SMG1: variants seen among roughly 807,000 people sequenced by gnomAD.
SMG1 encodes the protein SMG1 nonsense mediated mRNA decay associated PI3K related kinase, also known as serine/threonine-protein kinase SMG1.
Under a neutral mutation model 419.9 loss-of-function variants are expected in SMG1, and 22 were observed. The observed-to-expected ratio is 0.05, with a 90% CI of 0.04 to 0.07. The LOEUF (loss-of-function observed/expected upper bound fraction) is 0.07. Among genes scored for constraint, SMG1 ranks in the 10% least tolerant of loss-of-function variants. The pLI is 1.00. For missense variants in SMG1, 3,185 were observed against 4,342.0 expected (o/e 0.73, Z 7.49); for synonymous variants, 1,538 against 1,553.5 (o/e 0.99, Z 0.23).
In SMG1 at chr16:18,838,668, C is replaced by A; in HGVS notation, c.6967G>T (p.Val2323Phe). The A allele has an allele frequency of 6.2e-7, 1 of 1,608,172 alleles. No individual in the cohort carries two copies. Among genetic ancestry groups the A allele is most frequent in the Non-Finnish European group, 8.5e-7 (1 of 1,177,338 alleles). ...VTQSYARSTAVMSMVGYIIGL... is the reference protein window; with the variant it reads ...VTQSYARSTAFMSMVGYIIGL... ...ATTATGTATCCAACCATAGACATGACTGCAGTAGATCTTGCATAAGACTAA... is the reference window on the plus strand; with the variant it reads ...ATTATGTATCCAACCATAGACATGAATGCAGTAGATCTTGCATAAGACTAA... Residue 2323 changes from valine (V) to phenylalanine (F), a missense_variant, in exon 43 of 63, where the codon GTC becomes TTC. By Grantham distance (50) the Val-to-Phe change is conservative. Transcript: ENST00000446231.
intron 51 of SMG1, 108 bp downstream of exon 51, chr16:18,832,832 T>C: frequency 1.1e-6 from 1 of 920,440 alleles, no homozygotes; most frequent in South Asian, 1.5e-5. Flanking sequence ...TAAGTAATTA[T>C]ACCTGCTCTA....
At chr16:18,830,457 A>G (rs1009639067) in intron 51 of SMG1, 88 bp from the exon 52 acceptor site, 7 of 1,397,018 alleles carry the variant, frequency 5.0e-6, no homozygotes, top group Admixed American at 2.0e-5. Context: ...TCACAGCTGC[A>G]TGCTGTGAGA....
chr16:18,919,084 T>C (rs1449828668), intron 1 of SMG1, among the ~76,000 whole-genome samples: 1 of 152,154 alleles, frequency 6.6e-6, no homozygotes, highest in African/African-American at 2.4e-5. Flanking sequence ...CCCAGCACTT[T>C]GGGAGGCCAA....
At chr16:18,843,393 A>C (rs1476597826) in intron 39 of SMG1, among the ~76,000 whole-genome samples, 1 of 152,232 alleles carries the variant, frequency 6.6e-6, no homozygotes, top group East Asian at 1.9e-4. Flanking sequence ...ACTTTCTAAT[A>C]ATCACAGGGA....
At chr16:18,839,424 A>AT (rs2033780994) in intron 42 of SMG1, among the ~76,000 whole-genome samples, 1 of 152,014 alleles carries the variant, frequency 6.6e-6, no homozygotes, top group Admixed American at 6.6e-5. Context: ...GCTCCCACTT[A>AT]TAAGTGAGAA....
Position 18,926,271 on chromosome 16 carries a change from C to G in SMG1, c.-230G>C, listed in dbSNP as rs2038407298. The G allele has an allele frequency of 5.7e-6, 3 of 523,622 alleles. No homozygotes were observed. Among genetic ancestry groups the G allele is most frequent in the Non-Finnish European group, 6.7e-6 (2 of 299,476 alleles). The allele number at this position is 523,622 out of a possible 1,614,324, so 32.4% of individuals were successfully genotyped here. A position where few individuals can be genotyped will look rare whatever the true frequency, so the allele number is the denominator to read the frequency against. The stretch of plus-strand genomic sequence containing the variant: ...GCGCAGGACGAGGAGGCGGGAGCGG[C>G]GCGGTGAGAGAGAGGCGGATGAAGG... On this transcript the variant is annotated 5_prime_UTR_variant, in exon 1 of 63. Transcript: ENST00000446231.
chr16:18,869,830 A>T, intron 19 of SMG1, 24 bp downstream of exon 19: 1 of 1,576,072 alleles, frequency 6.3e-7, no homozygotes, highest in Non-Finnish European at 8.6e-7. Context: ...TTTCCCAGAT[A>T]AAAGAGTCAA....
At chr16:18,924,165 T>TC (rs1208478717) in intron 1 of SMG1, among the ~76,000 whole-genome samples, 1 of 151,834 alleles carries the variant, frequency 6.6e-6, no homozygotes, top group Non-Finnish European at 1.5e-5. Context: ...GCTCCTCCCT[T>TC]CCCCCATCGC....
At chr16:18,818,739 T>C (rs1447688925) in intron 56 of SMG1, among the ~76,000 whole-genome samples, 1 of 148,586 alleles carries the variant, frequency 6.7e-6, no homozygotes, top group Admixed American at 6.8e-5. Context: ...ATTTTGTACT[T>C]AGTTGAAAAT....
chr16:18,919,045 G>T (rs2038084524), intron 1 of SMG1, among the ~76,000 whole-genome samples: 1 of 152,090 alleles, frequency 6.6e-6, no homozygotes, highest in South Asian at 2.1e-4. Flanking sequence ...TCCTGGCCGT[G>T]GCCCAGTGCA....
In SMG1 at chr16:18,884,352, TTTAA is replaced by T. The variant is rs1271774787; in HGVS notation, c.1022-189_1022-186del. 3.9e-5 allele frequency among the ~76,000 whole-genome samples: 6 copies of T among 152,220 alleles called. No homozygotes were observed. In the East Asian group the frequency reaches 7.7e-4, roughly 20 times the overall value. On this transcript the variant is annotated intron_variant, in intron 8 of 62. Coordinates refer to ENST00000446231, the MANE Select transcript of SMG1 (RefSeq NM_015092.5). ...GCTGATCACAATTAACCAATACCTC[TTTAA>T]TTAATACCTCTTTAATTTCTGCAGA...
chr16:18,834,075 T>C (rs2033390490), intron 50 of SMG1, 129 bp downstream of exon 50: 4 of 694,144 alleles, frequency 5.8e-6, no homozygotes, highest in African/African-American at 1.8e-5. Context: ...CTCACAATTA[T>C]CTTCCTTTTA....
rs1270941305 is a variant in SMG1, at chr16:18,872,544, G to C, written c.1971C>G (p.Phe657Leu). The change falls in exon 14 of 63, where the codon TTC (phenylalanine) becomes TTG (leucine). Residue 657 changes from phenylalanine to leucine, a missense_variant. Around this residue, in one of 27 missense-constraint regions of SMG1, gnomAD observed 297 missense variants for 491.0 expected, o/e 0.60. Coordinates refer to ENST00000446231, the MANE Select transcript of SMG1 (RefSeq NM_015092.5). ...AGAGCACAGCATACTGAATGGCAGG[G>C]AAGTGAACAGCCAGGTCACTGTGCA... Reference protein sequence around the residue: ...MIVHSDLAVHFPAIQYAVLYT... With the variant: ...MIVHSDLAVHLPAIQYAVLYT... The C allele has an allele frequency of 2.0e-6, 3 of 1,519,988 alleles. No individual in the cohort carries two copies. The East Asian group carries it at 7.2e-5, about 36-fold the overall frequency. 94.2% of individuals were successfully genotyped at this position (1,519,988 alleles called of 1,614,324 possible).
intron 1 of SMG1, among the ~76,000 whole-genome samples, chr16:18,916,272 T>C (rs967494245): frequency 6.6e-6 from 1 of 151,488 alleles, no homozygotes; most frequent in Non-Finnish European, 1.5e-5. Context: ...TCCCAGCACT[T>C]TGGGAGGCCA....
intron 35 of SMG1, 68 bp from the exon 36 acceptor site, chr16:18,849,446 T>C (rs1016740336): frequency 4.2e-6 from 6 of 1,434,682 alleles, no homozygotes; most frequent in Admixed American, 1.9e-5. Flanking sequence ...ATCAGCATCG[T>C]AGATCAAACA....
Position 18,925,987 on chromosome 16 carries a change from T to TGCC in SMG1, c.52_54dup (p.Gly18dup), listed in dbSNP as rs550064983. 2.6e-4 allele frequency: 402 copies of TGCC among 1,575,060 alleles called. No individual in the cohort carries two copies. Among genetic ancestry groups the TGCC allele is most frequent in the Admixed American group, 7.7e-4 (44 of 56,866 alleles). On this transcript the variant is annotated inframe_insertion, in exon 1 of 63. Transcript: ENST00000446231. The stretch of plus-strand genomic sequence containing the variant: ...TCATTCCAGCTCCGCGGATACTTGG[T>TGCC]GCCGCCGCCGCCGCCGCCGCTGCTC...
At chr16:18,884,726 T>G (rs1346109560) in intron 8 of SMG1, 10 of 194,856 alleles carry the variant, frequency 5.1e-5, no homozygotes, top group Admixed American at 4.7e-4. Flanking sequence ...TTCTCCAAAT[T>G]AACCCTGTAT....
At chr16:18,846,627 A>G (rs2034282977) in intron 38 of SMG1, among the ~76,000 whole-genome samples, 1 of 152,264 alleles carries the variant, frequency 6.6e-6, no homozygotes, top group Non-Finnish European at 1.5e-5. Context: ...AGGAAGCTCA[A>G]CATCACTAGT....
rs1285385816 is a variant in SMG1 at position 18,806,416 on chromosome 16, A to T, written c.*3153T>A. On this transcript the variant is annotated 3_prime_UTR_variant, in exon 63 of 63. Coordinates refer to ENST00000446231, the MANE Select transcript of SMG1 (RefSeq NM_015092.5). ...GCCTGATTATCAGTTCTCACATGGA[A>T]ATCTCAACAGATTTCAAAAGCAACT... is the stretch of plus-strand genomic sequence containing the variant. 6.6e-6 allele frequency: 1 copy of T among 152,642 alleles called. No individual in the cohort carries two copies. The allele number at this position is 152,642 out of a possible 1,614,324, so 9.5% of individuals were successfully genotyped here.
Sources: gnomAD v4.1 joint callset for allele counts (sites outside exome capture counted in the v4.1 genomes callset) on GRCh38, gnomAD v4.1.1 for gene constraint, gnomAD v4.1.1 regional missense constraint, MANE v1.5 for transcripts, NCBI Gene and HGNC (gene_info 2026-07-23, HGNC 2026-07-21) for gene names.